ADAM12: variants seen among roughly 807,000 people sequenced by gnomAD.
ADAM12 encodes the protein disintegrin and metalloproteinase domain-containing protein 12.
In ADAM12, 70 loss-of-function variants were observed where a neutral mutation model predicts 106.4. That is an observed-to-expected ratio of 0.66 (90% confidence interval 0.54 to 0.80). The LOEUF is 0.80. ADAM12 is among the 30% of genes least tolerant of loss of function. The pLI, the probability that ADAM12 is intolerant of heterozygous loss-of-function variation, is 0.00. For synonymous variants in ADAM12, 420 were observed against 433.5 expected, an observed-to-expected ratio of 0.97 and a Z score of 0.39; for missense variants, 1,010 against 1,171.9, an observed-to-expected ratio of 0.86 and a Z score of 2.02.
At chr10:126,105,524 G>A (rs932655620) in intron 8 of ADAM12, among the ~76,000 whole-genome samples, 1 of 152,212 alleles carries the variant, frequency 6.6e-6, no homozygotes, top group African/African-American at 2.4e-5. Context: ...CTCTAGGCCA[G>A]TGCGTCTCAG....
chr10:126,067,750 A>G (rs1399200128), intron 12 of ADAM12, among the ~76,000 whole-genome samples: 1 of 152,222 alleles, frequency 6.6e-6, no homozygotes, highest in East Asian at 1.9e-4. Flanking sequence ...GTAATTTATC[A>G]ATGTTCTTTT....
intron 21 of ADAM12, among the ~76,000 whole-genome samples, chr10:126,025,675 C>T (rs1953859282): frequency 6.6e-6 from 1 of 152,072 alleles, no homozygotes; most frequent in South Asian, 2.1e-4. Context: ...AAATCTCATC[C>T]AAAGGTGTCA....
At chr10:126,274,058 G>T (rs1353231981) in intron 3 of ADAM12, among the ~76,000 whole-genome samples, 1 of 152,080 alleles carries the variant, frequency 6.6e-6, no homozygotes, top group Non-Finnish European at 1.5e-5. Context: ...AGTGACCTTC[G>T]ACCTCCTGGG....
At chr10:126,126,630 T>C (rs1956211009) in intron 5 of ADAM12, among the ~76,000 whole-genome samples, 2 of 151,730 alleles carry the variant, frequency 1.3e-5, no homozygotes, top group South Asian at 4.2e-4. Context: ...CATGATCTAG[T>C]AGTGTTTTTA....
rs537566230 is a variant in ADAM12, at chr10:126,043,216, A to AG, written c.1996-69dup. On this transcript the variant is annotated intron_variant, in intron 17 of 22. Coordinates refer to ENST00000448723, the MANE Select transcript of ADAM12 (RefSeq NM_001288973.2). This position sits in a 1 kb window ranked among gnomAD's most constrained non-coding sequence, Gnocchi z 4.1. ...TCTGTGCATCACCACAGCAGAAGCA[A>AG]GGGGGGCCATGGTCAGAGCCCCCCC... 2.3e-5 allele frequency: 33 copies of AG among 1,448,098 alleles called. No individual in the cohort carries two copies. In the African/African-American group the frequency reaches 3.5e-4, roughly 16 times the overall value. The allele number at this position is 1,448,098 out of a possible 1,614,324, so 89.7% of individuals were successfully genotyped here. A position where few individuals can be genotyped will look rare whatever the true frequency, so the allele number is the denominator to read the frequency against.
At chr10:126,318,371 C>T (rs1399333902) in intron 2 of ADAM12, among the ~76,000 whole-genome samples, 1 of 151,872 alleles carries the variant, frequency 6.6e-6, no homozygotes, top group East Asian at 1.9e-4. Context: ...CACTCGCATA[C>T]ATCCACAAGC....
intron 3 of ADAM12, among the ~76,000 whole-genome samples, chr10:126,264,265 C>A (rs1368159140): frequency 6.6e-6 from 1 of 152,206 alleles, no homozygotes; most frequent in Non-Finnish European, 1.5e-5. Context: ...GGCTTCTCCA[C>A]TGGAGCCTGT....
chr10:126,330,778 G>T (rs985119978), intron 1 of ADAM12, among the ~76,000 whole-genome samples: 3 of 152,172 alleles, frequency 2.0e-5, no homozygotes, highest in African/African-American at 7.2e-5. Context: ...TCATAGACAA[G>T]ATATATAATT....
At chr10:126,185,233 C>A (rs930902178) in intron 3 of ADAM12, among the ~76,000 whole-genome samples, 1 of 152,180 alleles carries the variant, frequency 6.6e-6, no homozygotes, top group Non-Finnish European at 1.5e-5. Context: ...AAAGACGTTG[C>A]TATTGCATTG....
chr10:126,357,329 G>GA (rs377087060), intron 1 of ADAM12, among the ~76,000 whole-genome samples: 17 of 150,614 alleles, frequency 1.1e-4, no homozygotes, highest in East Asian at 3.9e-4. Context: ...GAGGGAGGGG[G>GA]AAAAAAAAAC....
In ADAM12 at chr10:126,248,677, GTATGTATGTATTTATTTATTTATTTATT is replaced by G. The variant is rs1159795065; in HGVS notation, c.260+30210_260+30237del. Among the ~76,000 whole-genome samples the G allele has an allele frequency of 3.1e-3, 97 of 31,640 alleles. 2 individuals carry two copies. Among genetic ancestry groups the G allele is most frequent in the Middle Eastern group, 0.037 (2 of 54 alleles). 20.8% of individuals were successfully genotyped at this position (31,640 alleles called of 152,430 possible). A position where few individuals can be genotyped will look rare whatever the true frequency, so the allele number is the denominator to read the frequency against. Reference sequence around the variant, plus strand: ...TGTATGTATGTATGTATGTATGTATGTATGTATGTATTTATTTATTTATTTATTTATTTATTTATTTATTTATTTTGAG... The same window carrying G: ...TGTATGTATGTATGTATGTATGTATGTATTTATTTATTTATTTATTTTGAG... On this transcript the variant is annotated intron_variant, in intron 3 of 22. Coordinates refer to ENST00000448723, the MANE Select transcript of ADAM12 (RefSeq NM_001288973.2).
intron 1 of ADAM12, among the ~76,000 whole-genome samples, chr10:126,368,899 T>G (rs1326696816): frequency 1.3e-5 from 2 of 152,170 alleles, no homozygotes; most frequent in Non-Finnish European, 2.9e-5. Context: ...ATGCCCATCC[T>G]CGCATCTGTA....
intron 11 of ADAM12, 89 bp downstream of exon 11, chr10:126,093,896 A>G: frequency 1.3e-6 from 2 of 1,554,794 alleles, no homozygotes; most frequent in Non-Finnish European, 1.7e-6. Context: ...CTCTGACCAG[A>G]AAACCAGAGA....
chr10:126,069,891 C>T (rs921787330), intron 12 of ADAM12, among the ~76,000 whole-genome samples: 7 of 151,768 alleles, frequency 4.6e-5, no homozygotes, highest in Non-Finnish European at 1.0e-4. Context: ...CAATGGTGGT[C>T]GTGATTGTAG....
chr10:126,327,630 A>C (rs189149239), intron 2 of ADAM12, among the ~76,000 whole-genome samples: 2 of 152,054 alleles, frequency 1.3e-5, no homozygotes, highest in Non-Finnish European at 2.9e-5. Context: ...AAATAAATAA[A>C]TAAATAATAA....
chr10:126,293,961 C>G lies in ADAM12; in HGVS notation c.187-14973G>C, dbSNP rs149311656. Among the ~76,000 whole-genome samples the G allele has an allele frequency of 5.9e-3, 891 of 152,304 alleles. 7 individuals are homozygous for G. Among genetic ancestry groups the G allele is most frequent in the African/African-American group, 0.02 (834 of 41,570 alleles). On this transcript the variant is annotated intron_variant, in intron 2 of 22. Coordinates refer to ENST00000448723, the MANE Select transcript of ADAM12 (RefSeq NM_001288973.2). The stretch of plus-strand genomic sequence containing the variant: ...TGAAATGTAGTTATTTCTGTTTACT[C>G]ACAAACACTGTCTACCCACTGGGCT...
At chr10:126,102,192 T>A (rs549603407) in intron 8 of ADAM12, among the ~76,000 whole-genome samples, 5 of 152,164 alleles carry the variant, frequency 3.3e-5, no homozygotes, top group African/African-American at 1.2e-4. Flanking sequence ...AGGCATCACA[T>A]AGACAAGCAG....
chr10:126,214,704 C>T (rs1307912476), intron 3 of ADAM12, among the ~76,000 whole-genome samples: 5 of 152,224 alleles, frequency 3.3e-5, no homozygotes, highest in African/African-American at 1.2e-4. Context: ...AATTGGGCCA[C>T]TAATGAGAGC....
intron 21 of ADAM12, among the ~76,000 whole-genome samples, chr10:126,031,454 G>T (rs953645006): frequency 1.1e-4 from 17 of 152,190 alleles, no homozygotes; most frequent in Non-Finnish European, 5.9e-5. Context: ...CTCTGAACTG[G>T]CCAGCACCTG....
Sources: gnomAD v4.1 joint callset for allele counts (sites outside exome capture counted in the v4.1 genomes callset) on GRCh38, gnomAD v4.1.1 for gene constraint, Gnocchi (gnomAD v3.1) non-coding constraint, MANE v1.5 for transcripts, NCBI Gene and HGNC (gene_info 2026-07-23, HGNC 2026-07-21) for gene names.